ADARB2: variants seen among roughly 807,000 people sequenced by gnomAD.
ADARB2 encodes the protein inactive double-stranded RNA-specific editase B2.
ADARB2 carries 25 observed loss-of-function variants against 62.2 expected under a neutral mutation model. The observed-to-expected ratio is 0.40, with a 90% CI of 0.29 to 0.56. The LOEUF is 0.56. Ranked by LOEUF, ADARB2 falls within the 20% of genes least tolerant of loss-of-function variation. The probability of loss-of-function intolerance (pLI) is 0.43; values close to 1 mark genes in which losing one functional copy is unlikely to be tolerated. For synonymous variants in ADARB2, 572 were observed against 500.8 expected, an observed-to-expected ratio of 1.14 and a Z score of -1.90; for missense variants, 1,071 against 1,077.4, an observed-to-expected ratio of 0.99 and a Z score of 0.08.
intron 1 of ADARB2, among the ~76,000 whole-genome samples, chr10:1,514,723 C>T (rs12780063): frequency 0.2 from 30,830 of 151,998 alleles, 3,430 homozygotes; most frequent in East Asian, 0.37. Context: ...TGCACTGGAC[C>T]GCCACCCAAG....
intron 7 of ADARB2, chr10:1,216,750 C>T (rs1016952762): frequency 2.8e-6 from 2 of 714,086 alleles, no homozygotes; most frequent in Non-Finnish European, 4.5e-6. Flanking sequence ...CTTGCTCCCT[C>T]AGGGACTCGG....
At chr10:1,252,971 C>T (rs567802471) in intron 4 of ADARB2, among the ~76,000 whole-genome samples, 5 of 152,302 alleles carry the variant, frequency 3.3e-5, no homozygotes, top group South Asian at 4.1e-4. Flanking sequence ...TTTGTGCTCT[C>T]CTCTATGAAT....
At chr10:1,528,584 G>T (rs530892110) in intron 1 of ADARB2, among the ~76,000 whole-genome samples, 2 of 152,300 alleles carry the variant, frequency 1.3e-5, no homozygotes, top group South Asian at 2.1e-4. Flanking sequence ...TCCCAGCAGC[G>T]CCCGGTGTGA....
At chr10:1,204,596 G>T (rs999584132) in intron 7 of ADARB2, among the ~76,000 whole-genome samples, 2 of 152,228 alleles carry the variant, frequency 1.3e-5, no homozygotes, top group African/African-American at 4.8e-5. Flanking sequence ...TCGCGTGGAC[G>T]CTCCGCCCCT....
rs1189236567 is a variant in ADARB2 at position 1,526,247 on chromosome 10, G to C, written c.101-147087C>G. ...GTAGGTGGGGCAGGTGGGGCAGATG[G>C]GGCAGGTGGTGCAGATGGGGCAGTC... On this transcript the variant is annotated intron_variant, in intron 1 of 9. Coordinates refer to ENST00000381312, the MANE Select transcript of ADARB2 (RefSeq NM_018702.4). Among the ~76,000 whole-genome samples, 3 of 152,174 alleles carry C rather than the reference G, an allele frequency of 2.0e-5. No individual in the cohort carries two copies. In the East Asian group the frequency reaches 5.8e-4, roughly 29 times the overall value.
At chr10:1,501,076 T>C (rs1281959121) in intron 1 of ADARB2, among the ~76,000 whole-genome samples, 2 of 152,166 alleles carry the variant, frequency 1.3e-5, no homozygotes, top group African/African-American at 2.4e-5. Flanking sequence ...GGTTTCATCA[T>C]GTTGGTCAGG....
chr10:1,663,393 T>C (rs56375289), intron 1 of ADARB2, among the ~76,000 whole-genome samples: 35,832 of 152,162 alleles, frequency 0.24, 4,593 homozygotes, highest in Middle Eastern at 0.31. Context: ...AGAGCGCTGC[T>C]ACAGAGCGCT....
chr10:1,675,578 G>A, intron 1 of ADARB2, among the ~76,000 whole-genome samples: 1 of 151,334 alleles, frequency 6.6e-6, no homozygotes, highest in Non-Finnish European at 1.5e-5. Context: ...TTGGGTTCAG[G>A]GATGCACGGA....
chr10:1,515,327 C>T (rs1831994957), intron 1 of ADARB2, among the ~76,000 whole-genome samples: 1 of 152,206 alleles, frequency 6.6e-6, no homozygotes, highest in Non-Finnish European at 1.5e-5. Context: ...GTGCACTGGG[C>T]CCTGACCCCC....
chr10:1,623,181 T>A (rs118121387), intron 1 of ADARB2, among the ~76,000 whole-genome samples: 2 of 152,330 alleles, frequency 1.3e-5, no homozygotes, highest in Non-Finnish European at 2.9e-5. Flanking sequence ...GGGATTGGAT[T>A]GTTGCAAAAA....
intron 3 of ADARB2, among the ~76,000 whole-genome samples, chr10:1,272,914 C>T (rs1034772694): frequency 6.6e-6 from 1 of 152,216 alleles, no homozygotes; most frequent in Non-Finnish European, 1.5e-5. Flanking sequence ...GCGGTGCTGC[C>T]TCCTGAGGCT....
intron 7 of ADARB2, among the ~76,000 whole-genome samples, chr10:1,207,010 G>C (rs1837077363): frequency 6.6e-6 from 1 of 152,228 alleles, no homozygotes; most frequent in Admixed American, 6.5e-5. Flanking sequence ...TATTTGATAA[G>C]TGTTAGTGAA....
rs138272603 is a variant in ADARB2, at chr10:1,282,068, C to A, written c.1078-10999G>T. Among the ~76,000 whole-genome samples, 687 of 152,296 alleles carry A rather than the reference C, an allele frequency of 4.5e-3. 4 individuals are homozygous for A. The highest frequency in any genetic ancestry group is 7.1e-3 in the Non-Finnish European group (483 of 68,026). Reference sequence around the variant, plus strand: ...AAGTCTCACCTCCTGGCTGGGGTCCCCACAGGTTGGCACAGCTCAGCTCCA... The same window carrying A: ...AAGTCTCACCTCCTGGCTGGGGTCCACACAGGTTGGCACAGCTCAGCTCCA... On this transcript the variant is annotated intron_variant, in intron 3 of 9. Coordinates refer to ENST00000381312, the MANE Select transcript of ADARB2 (RefSeq NM_018702.4).
At chr10:1,673,212 A>G (rs1380360372) in intron 1 of ADARB2, among the ~76,000 whole-genome samples, 2 of 152,220 alleles carry the variant, frequency 1.3e-5, no homozygotes, top group East Asian at 3.8e-4. Context: ...CATGAATTTT[A>G]TTATAATAAA....
intron 3 of ADARB2, among the ~76,000 whole-genome samples, chr10:1,357,285 A>T (rs1395050337): frequency 6.6e-6 from 1 of 152,106 alleles, no homozygotes; most frequent in Non-Finnish European, 1.5e-5. Context: ...AGACCCAAAA[A>T]TCGTTAGTGT....
intron 1 of ADARB2, among the ~76,000 whole-genome samples, chr10:1,431,974 A>G (rs2131890261): frequency 6.6e-6 from 1 of 152,344 alleles, no homozygotes; most frequent in South Asian, 2.1e-4. Flanking sequence ...AGAAATATTC[A>G]GGTTCAGCTC....
chr10:1,573,656 A>G (rs1832970042), intron 1 of ADARB2, among the ~76,000 whole-genome samples: 1 of 152,158 alleles, frequency 6.6e-6, no homozygotes, highest in Admixed American at 6.5e-5. Flanking sequence ...GGAAGAGCTC[A>G]GTGTCCTTGG....
chr10:1,433,838 A>T (rs1284917463), intron 1 of ADARB2, among the ~76,000 whole-genome samples: 1 of 152,248 alleles, frequency 6.6e-6, no homozygotes, highest in Non-Finnish European at 1.5e-5. Context: ...TCCTTCAGAA[A>T]TGTAATAATT....
chr10:1,489,823 G>A (rs768107305), intron 1 of ADARB2, among the ~76,000 whole-genome samples: 4 of 121,620 alleles, frequency 3.3e-5, no homozygotes, highest in Non-Finnish European at 7.2e-5. Context: ...TAGCATATTA[G>A]GATCAAACAC....
Sources: gnomAD v4.1 joint callset for allele counts (sites outside exome capture counted in the v4.1 genomes callset) on GRCh38, gnomAD v4.1.1 for gene constraint, MANE v1.5 for transcripts, NCBI Gene and HGNC (gene_info 2026-07-23, HGNC 2026-07-21) for gene names.